The following MYO18B variants were observed in gnomAD, a reference collection of about 807,000 sequenced individuals.
The protein encoded by MYO18B is unconventional myosin-XVIIIb.
MYO18B carries 204 observed loss-of-function variants against 273.0 expected under a neutral mutation model. The ratio of observed to expected loss-of-function variants is 0.75; its 90% CI spans 0.67 to 0.84. The LOEUF is 0.84. Among genes scored for constraint, MYO18B ranks in the 40% least tolerant of loss-of-function variants. The pLI is 0.00. For missense variants in MYO18B, 3,212 were observed against 3,287.6 expected (o/e 0.98, Z 0.56); for synonymous variants, 1,330 against 1,305.7 (o/e 1.02, Z -0.40).
downstream of MYO18B, among the ~76,000 whole-genome samples, chr22:26,035,678 T>C (rs1467292533): frequency 6.6e-6 from 1 of 152,220 alleles, no homozygotes; most frequent in Non-Finnish European, 1.5e-5. Flanking sequence ...CAAATGTTGC[T>C]CCAGAAGAAA....
chr22:25,812,033 C>A (rs774149453), intron 12 of MYO18B, among the ~76,000 whole-genome samples: 91 of 152,168 alleles, frequency 6.0e-4, no homozygotes, highest in Admixed American at 1.4e-3. Flanking sequence ...AGCTGAGGCT[C>A]AGAGAGGTGC....
At chr22:25,745,233 C>A (rs566898216) in intron 1 of MYO18B, among the ~76,000 whole-genome samples, 1 of 152,202 alleles carries the variant, frequency 6.6e-6, no homozygotes, top group South Asian at 2.1e-4. Context: ...TCTCAACCTC[C>A]TGAGTAGCTG....
At chr22:25,884,103 C>A (rs1488654024) in intron 25 of MYO18B, among the ~76,000 whole-genome samples, 1 of 152,138 alleles carries the variant, frequency 6.6e-6, no homozygotes, top group Non-Finnish European at 1.5e-5. Context: ...TCATTTCTGG[C>A]CTCATTAGCC....
At position 25,769,426 on chromosome 22, in the gene MYO18B, C is replaced by A; in HGVS notation, c.1510C>A (p.Gln504Lys). The A allele has an allele frequency of 6.5e-7, 1 of 1,539,948 alleles. No homozygotes were observed. The highest frequency in any genetic ancestry group is 8.7e-7 in the Non-Finnish European group (1 of 1,142,890). ...GKGGQSRDSD[Q>K]APEDRWYEAE... ...AGGAGGCCAGAGCAGAGACTCAGACCAGGTGAGGGGGCTGCGGCCCTGGGA... is the reference window on the plus strand; with the variant it reads ...AGGAGGCCAGAGCAGAGACTCAGACAAGGTGAGGGGGCTGCGGCCCTGGGA... Residue 504 changes from glutamine to lysine, a missense_variant and splice_region_variant, in exon 4 of 44, where the codon CAG becomes AAG. Coordinates refer to ENST00000335473, the MANE Select transcript of MYO18B (RefSeq NM_032608.7).
intron 43 of MYO18B, among the ~76,000 whole-genome samples, chr22:26,029,285 ACCC>A (rs1414066409): frequency 1.3e-5 from 2 of 151,870 alleles, no homozygotes; most frequent in African/African-American, 4.8e-5. Flanking sequence ...ACCTGCTGCC[ACCC>A]CCAGGCCTCC....
chr22:25,778,522 C>T (rs2087006201), intron 8 of MYO18B, among the ~76,000 whole-genome samples: 1 of 152,158 alleles, frequency 6.6e-6, no homozygotes, highest in Non-Finnish European at 1.5e-5. Context: ...CTCTCTCACC[C>T]AGGCTGGAGT....
intron 39 of MYO18B, among the ~76,000 whole-genome samples, chr22:25,960,892 A>G (rs2092911014): frequency 6.6e-6 from 1 of 152,118 alleles, no homozygotes; most frequent in Non-Finnish European, 1.5e-5. Context: ...CTCATGCTTT[A>G]TAATCCTAGC....
At chr22:25,863,941 A>C in intron 21 of MYO18B, among the ~76,000 whole-genome samples, 1 of 152,288 alleles carries the variant, frequency 6.6e-6, no homozygotes, top group East Asian at 1.9e-4. Context: ...AATTTCTGGC[A>C]TGTTTAAGGT....
At chr22:25,995,213 C>A in intron 40 of MYO18B, among the ~76,000 whole-genome samples, 1 of 152,306 alleles carries the variant, frequency 6.6e-6, no homozygotes, top group East Asian at 1.9e-4. Context: ...CATATTCTCA[C>A]TTACTTGTGG....
At chr22:25,995,033 G>T (rs2331199) in intron 40 of MYO18B, among the ~76,000 whole-genome samples, 17,832 of 152,126 alleles carry the variant, frequency 0.12, 1,128 homozygotes, top group Middle Eastern at 0.15. Context: ...AAGAAGCAAG[G>T]GACAGTGTCC....
At chr22:25,965,318 C>T (rs2092965717) in intron 39 of MYO18B, among the ~76,000 whole-genome samples, 2 of 152,184 alleles carry the variant, frequency 1.3e-5, no homozygotes, top group South Asian at 4.1e-4. Context: ...TTTGTGAAGG[C>T]CTTGTTCCCC....
rs377507564 is a variant in MYO18B, at chr22:26,026,880, G to A, written c.6906G>A (p.Ser2302=). 2.1e-5 allele frequency: 34 copies of A among 1,599,770 alleles called. No homozygotes were observed. Among genetic ancestry groups the A allele is most frequent in the African/African-American group, 1.1e-4 (8 of 74,206 alleles). ...CTGGCAGTGACGAGGGAAACCTCTC[G>A]CTGAGGGTTGGGGCAAAGTCACCCC... The part of the protein sequence containing the change: ...GRAGSDEGNL[S]LRVGAKSPLE... Residue 2302 remains serine, a synonymous_variant, in exon 43 of 44, where the codon TCG becomes TCA. Coordinates refer to ENST00000335473, the MANE Select transcript of MYO18B (RefSeq NM_032608.7).
chr22:25,883,256 C>T lies in MYO18B; in HGVS notation c.4314+5208C>T, dbSNP rs1296183828. On this transcript the variant is annotated intron_variant, in intron 25 of 43. Transcript: ENST00000335473. This position sits in a 1 kb window ranked among gnomAD's most constrained non-coding sequence, Gnocchi z 7.6. ...AGTTAGCTCTGTATCTTCCCCAGTC[C>T]ACCTCCTGAGGGTCTGACCCAAGAG... 1 of 152,236 alleles carries T rather than the reference C, an allele frequency of 6.6e-6. No homozygotes were observed. Among genetic ancestry groups the T allele is most frequent in the East Asian group, 1.9e-4 (1 of 5,196 alleles). 9.4% of individuals were successfully genotyped at this position (152,236 alleles called of 1,614,324 possible).
intron 41 of MYO18B, 76 bp from the exon 42 acceptor site, chr22:26,004,642 G>A: frequency 1.3e-6 from 2 of 1,562,412 alleles, no homozygotes; most frequent in East Asian, 4.5e-5. Flanking sequence ...CCTGGCTTAT[G>A]CTATGGGTGA....
At chr22:25,794,791 A>C (rs962200986) in intron 11 of MYO18B, among the ~76,000 whole-genome samples, 1 of 152,252 alleles carries the variant, frequency 6.6e-6, no homozygotes, top group Admixed American at 6.5e-5. Context: ...GGCGTGAGCC[A>C]CTGCACCCAG....
intron 34 of MYO18B, among the ~76,000 whole-genome samples, chr22:25,927,399 G>A (rs117281578): frequency 0.035 from 5,320 of 152,246 alleles, 137 homozygotes; most frequent in Non-Finnish European, 0.055. Context: ...GACTGCAGGG[G>A]TGAAAGAGAC....
At chr22:25,917,168 C>T (rs78243796) in intron 33 of MYO18B, among the ~76,000 whole-genome samples, 3,858 of 152,152 alleles carry the variant, frequency 0.025, 150 homozygotes, top group African/African-American at 0.085. Flanking sequence ...ACATTACATA[C>T]GAATATAAAA....
intron 7 of MYO18B, among the ~76,000 whole-genome samples, chr22:25,774,585 G>A (rs1322113976): frequency 1.3e-5 from 2 of 152,318 alleles, no homozygotes; most frequent in Non-Finnish European, 2.9e-5. Flanking sequence ...GTGGGGTGCG[G>A]CACTGGTCCG....
chr22:25,872,721 C>T (rs2146175276), intron 22 of MYO18B, among the ~76,000 whole-genome samples: 1 of 152,082 alleles, frequency 6.6e-6, no homozygotes, highest in South Asian at 2.1e-4. Flanking sequence ...ATCGTAACTA[C>T]CATATAGGAT....
Sources: gnomAD v4.1 joint callset for allele counts (sites outside exome capture counted in the v4.1 genomes callset) on GRCh38, gnomAD v4.1.1 for gene constraint, Gnocchi (gnomAD v3.1) non-coding constraint, MANE v1.5 for transcripts, NCBI Gene and HGNC (gene_info 2026-07-23, HGNC 2026-07-21) for gene names.